Variants in APBB2 observed in about 807,000 individuals in gnomAD.
APBB2 encodes the protein Fe65-like 1.
APBB2 carries 38 observed loss-of-function variants against 82.5 expected under a neutral mutation model. The observed-to-expected ratio is 0.46, with a 90% CI of 0.36 to 0.60. APBB2 has a LOEUF of 0.60. APBB2 is among the 20% of genes least tolerant of loss of function. APBB2 has a pLI of 0.00. For missense variants in APBB2, 772 were observed against 972.3 expected (o/e 0.79, Z 2.74); for synonymous variants, 341 against 368.2 (o/e 0.93, Z 0.85).
chr4:41,107,373 C>A (rs1281605804), intron 2 of APBB2, among the ~76,000 whole-genome samples: 1 of 152,064 alleles, frequency 6.6e-6, no homozygotes, highest in Non-Finnish European at 1.5e-5. Context: ...CATAAACCCA[C>A]AAATATTCAT....
chr4:41,168,106 T>C (rs547907836), intron 1 of APBB2, among the ~76,000 whole-genome samples: 1 of 152,014 alleles, frequency 6.6e-6, no homozygotes, highest in South Asian at 2.1e-4. Context: ...TCATCTCTAC[T>C]AAAAATACAA....
At chr4:41,120,740 C>T (rs1752562744) in intron 2 of APBB2, among the ~76,000 whole-genome samples, 1 of 152,096 alleles carries the variant, frequency 6.6e-6, no homozygotes, top group African/African-American at 2.4e-5. Flanking sequence ...TCACAGGCAC[C>T]GCGCTCTTGC....
rs78163945 is a variant in APBB2 at position 41,038,850 on chromosome 4, A to G, written c.-50-5546T>C. 8.5e-3 allele frequency among the ~76,000 whole-genome samples: 1,291 copies of G among 152,394 alleles called. 19 individuals carry two copies. Among genetic ancestry groups the G allele is most frequent in the African/African-American group, 0.028 (1,171 of 41,600 alleles). ...CATTTCAATAAGCAAATTCTCAGGTATGACTATTCCAGCAGTCGTAATAAA... is the reference window on the plus strand; with the variant it reads ...CATTTCAATAAGCAAATTCTCAGGTGTGACTATTCCAGCAGTCGTAATAAA... On this transcript the variant is annotated intron_variant, in intron 4 of 17. Transcript: ENST00000508593.
chr4:41,203,230 G>C (rs188742687), intron 1 of APBB2, among the ~76,000 whole-genome samples: 1 of 151,886 alleles, frequency 6.6e-6, no homozygotes, highest in Non-Finnish European at 1.5e-5. Context: ...ACGTGTACAC[G>C]TAACAGCAGG....
At chr4:40,821,781 C>G (rs1248703833) in intron 17 of APBB2, 90 bp downstream of exon 17, 2 of 1,463,388 alleles carry the variant, frequency 1.4e-6, no homozygotes, top group Admixed American at 2.2e-5. Flanking sequence ...CGACTTTTTT[C>G]ATTTCCGTGA....
At chr4:41,039,573 T>C (rs1249905390) in intron 4 of APBB2, among the ~76,000 whole-genome samples, 1 of 152,162 alleles carries the variant, frequency 6.6e-6, no homozygotes, top group Non-Finnish European at 1.5e-5. Flanking sequence ...AAGTGCTAAT[T>C]AAGGCCAGAT....
chr4:41,168,347 T>C (rs1442434697), intron 1 of APBB2, among the ~76,000 whole-genome samples: 3 of 152,066 alleles, frequency 2.0e-5, no homozygotes, highest in African/African-American at 7.2e-5. Context: ...TTTTGTCTGT[T>C]GAAGCCAACA....
chr4:40,864,782 T>C (rs1381002702), intron 12 of APBB2, among the ~76,000 whole-genome samples: 1 of 151,546 alleles, frequency 6.6e-6, no homozygotes, highest in Non-Finnish European at 1.5e-5. Flanking sequence ...CTGCAGGGTG[T>C]AGCGAGGGTG....
chr4:40,947,027 G>A (rs1788646665), intron 6 of APBB2, among the ~76,000 whole-genome samples: 1 of 152,210 alleles, frequency 6.6e-6, no homozygotes, highest in African/African-American at 2.4e-5. Context: ...GTCCCCACAG[G>A]GAGTGAAGCA....
At chr4:41,192,382 A>G (rs1774699297) in intron 1 of APBB2, among the ~76,000 whole-genome samples, 1 of 152,234 alleles carries the variant, frequency 6.6e-6, no homozygotes, top group Non-Finnish European at 1.5e-5. Flanking sequence ...AGATACGGAA[A>G]CAACCTAAGT....
intron 4 of APBB2, among the ~76,000 whole-genome samples, chr4:41,055,866 T>C (rs1370868514): frequency 6.6e-6 from 1 of 152,232 alleles, no homozygotes; most frequent in Non-Finnish European, 1.5e-5. Context: ...CAGAACAGTG[T>C]CTATGTAAGT....
At chr4:41,017,308 G>A (rs997714571) in intron 5 of APBB2, among the ~76,000 whole-genome samples, 2 of 152,142 alleles carry the variant, frequency 1.3e-5, no homozygotes, top group African/African-American at 2.4e-5. Flanking sequence ...CTAGAGCTAC[G>A]GCAGCCAAGC....
intron 10 of APBB2, among the ~76,000 whole-genome samples, chr4:40,909,155 A>C (rs1032939468): frequency 6.6e-6 from 1 of 152,252 alleles, no homozygotes; most frequent in African/African-American, 2.4e-5. Context: ...CCGGTGCACC[A>C]TGCAATCACC....
intron 6 of APBB2, among the ~76,000 whole-genome samples, chr4:40,977,779 C>A (rs1797548984): frequency 6.6e-6 from 1 of 152,168 alleles, no homozygotes; most frequent in South Asian, 2.1e-4. Flanking sequence ...CAGTGTGTGA[C>A]AGATATAAAA....
At chr4:41,049,074 C>T (rs1323304272) in intron 4 of APBB2, among the ~76,000 whole-genome samples, 1 of 151,966 alleles carries the variant, frequency 6.6e-6, no homozygotes, top group East Asian at 2.0e-4. Flanking sequence ...CAGCCTCTGC[C>T]CGGCCGCCAC....
chr4:41,012,950 A>G (rs1343154931), intron 6 of APBB2, among the ~76,000 whole-genome samples: 2 of 152,210 alleles, frequency 1.3e-5, no homozygotes, highest in Non-Finnish European at 2.9e-5. Flanking sequence ...AAATATAGAC[A>G]AAAGTCCAGA....
chr4:41,082,974 C>G (rs1302240906), intron 3 of APBB2, among the ~76,000 whole-genome samples: 1 of 151,982 alleles, frequency 6.6e-6, no homozygotes, highest in Non-Finnish European at 1.5e-5. Flanking sequence ...ACCATCCTAG[C>G]TAACATGGTG....
intron 4 of APBB2, among the ~76,000 whole-genome samples, chr4:41,053,360 T>C (rs1179808666): frequency 6.6e-6 from 1 of 152,006 alleles, no homozygotes; most frequent in Non-Finnish European, 1.5e-5. Flanking sequence ...TCCTGAGTGT[T>C]ATACCCAAAT....
chr4:41,122,304 T>G (rs1753081111), intron 2 of APBB2, among the ~76,000 whole-genome samples: 1 of 152,224 alleles, frequency 6.6e-6, no homozygotes, highest in Admixed American at 6.5e-5. Flanking sequence ...GACTGGGGTC[T>G]GTACAATAGT....
Sources: allele counts gnomAD v4.1 joint callset (sites outside exome capture counted in the v4.1 genomes callset), GRCh38; gene constraint gnomAD v4.1.1; transcripts MANE v1.5; gene names NCBI Gene and HGNC (gene_info 2026-07-23, HGNC 2026-07-21).